The following FHIT variants were observed in gnomAD, a reference collection of about 807,000 sequenced individuals.
FHIT encodes the protein fragile histidine triad diadenosine triphosphatase.
In FHIT, 19 loss-of-function variants were observed where a neutral mutation model predicts 17.9. That is an observed-to-expected ratio of 1.06 (90% CI 0.74 to 1.56). The LOEUF is 1.56. Ranked by LOEUF, FHIT falls within the 40% of genes most tolerant of loss-of-function variation. The pLI, the probability that FHIT is intolerant of heterozygous loss-of-function variation, is 0.00. For missense variants in FHIT, 248 were observed against 189.2 expected (o/e 1.31, Z -1.82); for synonymous variants, 81 against 69.7 (o/e 1.16, Z -0.81).
chr3:59,963,284 A>T (rs1707771157), intron 7 of FHIT, among the ~76,000 whole-genome samples: 1 of 149,466 alleles, frequency 6.7e-6, no homozygotes, highest in Non-Finnish European at 1.5e-5. Context: ...AATAATAATA[A>T]TAATAATAAA....
chr3:60,706,177 A>C (rs1553703508), intron 4 of FHIT, among the ~76,000 whole-genome samples: 1 of 141,946 alleles, frequency 7.0e-6, no homozygotes, highest in Non-Finnish European at 1.5e-5. Flanking sequence ...CTCACTCATA[A>C]GTGGGAATTG....
At chr3:60,220,151 G>A (rs1301164031) in intron 5 of FHIT, among the ~76,000 whole-genome samples, 1 of 152,084 alleles carries the variant, frequency 6.6e-6, no homozygotes, top group Non-Finnish European at 1.5e-5. Flanking sequence ...ATCCATATCA[G>A]AGACAAAGTG....
In FHIT at chr3:60,380,552, G is replaced by GT. The variant is rs1700755983; in HGVS notation, c.103+156307_103+156308insA. ...GATACTGAGACTCACAGTAACTTCT[G>GT]AAGGTTGTACAACCTTATGGGAAAA... On this transcript the variant is annotated intron_variant, in intron 5 of 9. Coordinates refer to ENST00000492590, the MANE Select transcript of FHIT (RefSeq NM_002012.4). Among the ~76,000 whole-genome samples the GT allele has an allele frequency of 4.6e-5, 7 of 152,272 alleles. No homozygotes were observed. The South Asian group carries it at 1.0e-3, about 23-fold the overall frequency.
intron 5 of FHIT, among the ~76,000 whole-genome samples, chr3:60,534,182 C>T (rs2035890051): frequency 6.7e-6 from 1 of 150,220 alleles, no homozygotes; most frequent in African/African-American, 2.5e-5. Flanking sequence ...AATCCCAGCA[C>T]TTTGGGAGGC....
intron 5 of FHIT, among the ~76,000 whole-genome samples, chr3:60,221,972 G>T (rs1012458131): frequency 6.6e-6 from 1 of 151,806 alleles, no homozygotes; most frequent in Non-Finnish European, 1.5e-5. Flanking sequence ...ACAGAAATTC[G>T]CATTCCATTA....
chr3:61,201,871 C>A (rs1330008853), intron 1 of FHIT, among the ~76,000 whole-genome samples: 1 of 152,068 alleles, frequency 6.6e-6, no homozygotes, highest in Non-Finnish European at 1.5e-5. Flanking sequence ...GGAGATTGAG[C>A]TGAATCCCTT....
intron 5 of FHIT, among the ~76,000 whole-genome samples, chr3:60,319,520 A>G (rs1709322851): frequency 6.6e-6 from 1 of 152,168 alleles, no homozygotes; most frequent in Admixed American, 6.5e-5. Flanking sequence ...ACTGCCAGTA[A>G]AAGGGCAGAG....
intron 5 of FHIT, among the ~76,000 whole-genome samples, chr3:60,027,268 A>G (rs1700792053): frequency 6.6e-6 from 1 of 152,214 alleles, no homozygotes; most frequent in African/African-American, 2.4e-5. Context: ...TGCCTAAGGA[A>G]AAAGAAAACT....
intron 3 of FHIT, among the ~76,000 whole-genome samples, chr3:60,878,686 G>A (rs925978022): frequency 6.6e-6 from 1 of 151,568 alleles, no homozygotes; most frequent in Non-Finnish European, 1.5e-5. Flanking sequence ...TCCCCTTCCT[G>A]TGTCCATGTG....
intron 5 of FHIT, among the ~76,000 whole-genome samples, chr3:60,469,350 T>A (rs910084801): frequency 4.7e-5 from 7 of 149,598 alleles, no homozygotes; most frequent in Non-Finnish European, 4.4e-5. Flanking sequence ...TGTATTCTTT[T>A]CTCTTTTGTC....
rs542730012 is a variant in FHIT, at chr3:60,337,416, T to A, written c.103+199444A>T. On this transcript the variant is annotated intron_variant, in intron 5 of 9. Coordinates refer to ENST00000492590, the MANE Select transcript of FHIT (RefSeq NM_002012.4). ...TGTCTCCTCATCTCTAAAATTTAAA[T>A]GAAGTAATGCCTGAATAATTCTTGG... Among the ~76,000 whole-genome samples, 13 of 152,318 alleles carry A rather than the reference T, an allele frequency of 8.5e-5. No homozygotes were observed. In the East Asian group the frequency reaches 2.5e-3, roughly 29 times the overall value.
chr3:60,419,552 C>T lies in FHIT; in HGVS notation c.103+117308G>A, dbSNP rs867226701. On this transcript the variant is annotated intron_variant, in intron 5 of 9. Transcript: ENST00000492590. ...CAACATGCCCTTGTTTCTAACAATT[C>T]TCAATGCAGTTTAATGCTAGGGGTG... 9.8e-5 allele frequency among the ~76,000 whole-genome samples: 15 copies of T among 152,290 alleles called. No individual in the cohort carries two copies. The Middle Eastern group carries it at 0.01, about 104-fold the overall frequency.
chr3:60,039,270 T>C (rs1422428281), intron 5 of FHIT, among the ~76,000 whole-genome samples: 1 of 152,188 alleles, frequency 6.6e-6, no homozygotes, highest in East Asian at 1.9e-4. Flanking sequence ...AAGGACCTAG[T>C]CTTAAAACTC....
intron 3 of FHIT, among the ~76,000 whole-genome samples, chr3:61,020,637 A>C (rs1372639701): frequency 6.6e-6 from 1 of 152,228 alleles, no homozygotes; most frequent in Non-Finnish European, 1.5e-5. Context: ...AGTAGCTAGC[A>C]TCATAATGAC....
At chr3:60,174,189 C>T (rs1007423744) in intron 5 of FHIT, among the ~76,000 whole-genome samples, 1 of 151,428 alleles carries the variant, frequency 6.6e-6, no homozygotes, top group South Asian at 2.1e-4. Context: ...GGATTACAGG[C>T]GTGAGCCACC....
intron 5 of FHIT, among the ~76,000 whole-genome samples, chr3:60,443,536 G>C (rs1468871001): frequency 6.6e-6 from 1 of 152,094 alleles, no homozygotes; most frequent in Non-Finnish European, 1.5e-5. Context: ...ATAATTATGT[G>C]GTTTTTGTCT....
At chr3:60,049,071 C>T (rs1701768750) in intron 5 of FHIT, among the ~76,000 whole-genome samples, 1 of 152,164 alleles carries the variant, frequency 6.6e-6, no homozygotes, top group Admixed American at 6.5e-5. Flanking sequence ...TTCCTGATCC[C>T]TTGCTACCTC....
chr3:59,937,845 G>A (rs932922734), intron 7 of FHIT, among the ~76,000 whole-genome samples: 4 of 152,082 alleles, frequency 2.6e-5, no homozygotes, highest in African/African-American at 9.7e-5. Context: ...ATGCTTTGTT[G>A]CTTCTTGACA....
chr3:60,860,387 C>A (rs1703653337), intron 3 of FHIT, among the ~76,000 whole-genome samples: 1 of 144,308 alleles, frequency 6.9e-6, no homozygotes, highest in Non-Finnish European at 1.5e-5. Context: ...ACATGACATA[C>A]ATCATATGTA....
Sources: allele counts gnomAD v4.1 joint callset (sites outside exome capture counted in the v4.1 genomes callset), GRCh38; gene constraint gnomAD v4.1.1; transcripts MANE v1.5; gene names NCBI Gene and HGNC (gene_info 2026-07-23, HGNC 2026-07-21).